The following B3GAT2 variants were observed in gnomAD, a reference collection of about 807,000 sequenced individuals.
B3GAT2 encodes beta-1,3-glucuronyltransferase 2, also known as galactosylgalactosylxylosylprotein 3-beta-glucuronosyltransferase 2.
B3GAT2 carries 26 observed loss-of-function variants against 27.8 expected under a neutral mutation model. The ratio of observed to expected loss-of-function variants is 0.93; its 90% CI spans 0.68 to 1.30. B3GAT2 has a LOEUF of 1.30. Among genes scored for constraint, B3GAT2 ranks in the 50% most tolerant of loss-of-function variants. B3GAT2 has a pLI of 0.00. For synonymous variants in B3GAT2, 218 were observed against 195.1 expected, an observed-to-expected ratio of 1.12 and a Z score of -0.98; for missense variants, 458 against 459.0, an observed-to-expected ratio of 1.00 and a Z score of 0.02.
At chr6:70,867,333 A>T (rs1332876796) in intron 2 of B3GAT2, among the ~76,000 whole-genome samples, 1 of 152,156 alleles carries the variant, frequency 6.6e-6, no homozygotes, top group Non-Finnish European at 1.5e-5. Context: ...ATGAGAGCAG[A>T]AACGACTAAA....
At chr6:70,883,124 G>A (rs66514665) in intron 2 of B3GAT2, among the ~76,000 whole-genome samples, 29,055 of 152,140 alleles carry the variant, frequency 0.19, 3,125 homozygotes, top group East Asian at 0.32. Context: ...CTGCATTGCT[G>A]TGGAGAGTGT....
At chr6:70,885,885 C>T (rs1455235307) in intron 2 of B3GAT2, among the ~76,000 whole-genome samples, 1 of 152,094 alleles carries the variant, frequency 6.6e-6, no homozygotes, top group African/African-American at 2.4e-5. Flanking sequence ...GAGCAGGACC[C>T]AAGGATGAGT....
chr6:70,857,113 T>A lies in B3GAT2; in HGVS notation c.*4550A>T. On this transcript the variant is annotated 3_prime_UTR_variant, in exon 4 of 4. Coordinates refer to ENST00000230053, the MANE Select transcript of B3GAT2 (RefSeq NM_080742.3). ...TATATAATAAGATCAATTATATATC[T>A]TTTATTGTTCCATGTAGTGAGTGCT... The A allele has an allele frequency of 7.4e-7, 1 of 1,353,170 alleles. No individual in the cohort carries two copies. The highest frequency in any genetic ancestry group is 9.9e-7 in the Non-Finnish European group (1 of 1,012,148). The allele number at this position is 1,353,170 out of a possible 1,614,324, so 83.8% of individuals were successfully genotyped here.
chr6:70,857,780 G>A lies in B3GAT2; in HGVS notation c.*3883C>T. 1 of 765,962 alleles carries A rather than the reference G, an allele frequency of 1.3e-6. No individual in the cohort carries two copies. Among genetic ancestry groups the A allele is most frequent in the Non-Finnish European group, 2.1e-6 (1 of 480,276 alleles). 47.4% of individuals were successfully genotyped at this position (765,962 alleles called of 1,614,324 possible). ...AGCTCTCAGGGTTTAGGTGTGGGTT[G>A]GTCTGAGTAGTAGGAGCAGCCAAAC... On this transcript the variant is annotated 3_prime_UTR_variant, in exon 4 of 4. Coordinates refer to ENST00000230053, the MANE Select transcript of B3GAT2 (RefSeq NM_080742.3).
In B3GAT2 at chr6:70,860,465, T is replaced by C. The variant is rs1198904703; in HGVS notation, c.*1198A>G. On this transcript the variant is annotated 3_prime_UTR_variant, in exon 4 of 4. Coordinates refer to ENST00000230053, the MANE Select transcript of B3GAT2 (RefSeq NM_080742.3). ...TTTGTTCATATTAAGAATGATCTGA[T>C]TGACCGTGTTGGTCTGTACTGATTC... 5 of 1,108,642 alleles carry C rather than the reference T, an allele frequency of 4.5e-6. No individual in the cohort carries two copies. The highest frequency in any genetic ancestry group is 3.2e-5 in the African/African-American group (2 of 63,082). The allele number at this position is 1,108,642 out of a possible 1,614,324, so 68.7% of individuals were successfully genotyped here. A position where few individuals can be genotyped will look rare whatever the true frequency, so the allele number is the denominator to read the frequency against.
intron 1 of B3GAT2, among the ~76,000 whole-genome samples, chr6:70,913,339 G>T (rs568993628): frequency 3.3e-5 from 5 of 152,014 alleles, no homozygotes; most frequent in Non-Finnish European, 7.4e-5. Context: ...TAGCTGTGTC[G>T]CAGAGATTTT....
intron 1 of B3GAT2, among the ~76,000 whole-genome samples, chr6:70,941,417 G>T (rs924925510): frequency 2.6e-5 from 4 of 152,108 alleles, no homozygotes; most frequent in Non-Finnish European, 4.4e-5. Flanking sequence ...AGTGAAGCTG[G>T]ATTTGAACAT....
chr6:70,911,578 T>C (rs1391780581), intron 1 of B3GAT2, among the ~76,000 whole-genome samples: 1 of 152,224 alleles, frequency 6.6e-6, no homozygotes, highest in African/African-American at 2.4e-5. Flanking sequence ...TTTGGTAATG[T>C]GATGCCTCCA....
intron 1 of B3GAT2, among the ~76,000 whole-genome samples, chr6:70,906,085 TTAATACC>T (rs1209786611): frequency 6.6e-6 from 1 of 152,210 alleles, no homozygotes; most frequent in African/African-American, 2.4e-5. Flanking sequence ...TCTAGTTTAC[TTAATACC>T]ATGATAATGT....
chr6:70,924,788 A>G (rs763061375), intron 1 of B3GAT2, among the ~76,000 whole-genome samples: 1 of 152,190 alleles, frequency 6.6e-6, no homozygotes, highest in Non-Finnish European at 1.5e-5. Context: ...CCCAAACTAA[A>G]CTACTTTCGT....
chr6:70,875,567 C>T (rs1002777176), intron 2 of B3GAT2, among the ~76,000 whole-genome samples: 4 of 152,118 alleles, frequency 2.6e-5, no homozygotes, highest in African/African-American at 9.7e-5. Flanking sequence ...CCAAATCTAC[C>T]CTTTCCTACT....
Position 70,956,801 on chromosome 6 carries a change from A to G in B3GAT2, c.-372T>C. ...TGAAGAGTGGAAGCCGAGAAGCGGC[A>G]CCCGGTGCGCCTCGCCGCTCCAGTC... On this transcript the variant is annotated 5_prime_UTR_variant, in exon 1 of 4. Coordinates refer to ENST00000230053, the MANE Select transcript of B3GAT2 (RefSeq NM_080742.3). 1 of 1,074,520 alleles carries G rather than the reference A, an allele frequency of 9.3e-7. No individual in the cohort carries two copies. Among genetic ancestry groups the G allele is most frequent in the Non-Finnish European group, 1.1e-6 (1 of 887,134 alleles). The allele number at this position is 1,074,520 out of a possible 1,614,324, so 66.6% of individuals were successfully genotyped here.
At chr6:70,881,723 T>C (rs1337939733) in intron 2 of B3GAT2, among the ~76,000 whole-genome samples, 1 of 152,140 alleles carries the variant, frequency 6.6e-6, no homozygotes, top group African/African-American at 2.4e-5. Flanking sequence ...TGTAGGGGCT[T>C]GATGGCATGT....
In B3GAT2 at chr6:70,930,898, G is replaced by A. The variant is rs112902756; in HGVS notation, c.591+24941C>T. On this transcript the variant is annotated intron_variant, in intron 1 of 3. Transcript: ENST00000230053. ...ACACATGCACACGTATGTTTATTGC[G>A]GCACTATTCACAATAGCAAAGACTT... Among the ~76,000 whole-genome samples the A allele has an allele frequency of 9.3e-3, 1,420 of 152,142 alleles. 11 individuals carry two copies. The highest frequency in any genetic ancestry group is 0.048 in the Middle Eastern group (14 of 294).
intron 1 of B3GAT2, among the ~76,000 whole-genome samples, chr6:70,929,635 A>C (rs1054634989): frequency 1.3e-5 from 2 of 152,204 alleles, no homozygotes; most frequent in East Asian, 3.8e-4. Flanking sequence ...TCCAACTTAC[A>C]AGGGATGTGA....
intron 1 of B3GAT2, among the ~76,000 whole-genome samples, chr6:70,932,371 T>C (rs896230559): frequency 6.6e-6 from 1 of 152,166 alleles, no homozygotes; most frequent in African/African-American, 2.4e-5. Flanking sequence ...TTATTCACAA[T>C]AGGTAAAATG....
intron 2 of B3GAT2, among the ~76,000 whole-genome samples, chr6:70,868,719 T>C (rs990540089): frequency 6.6e-5 from 10 of 151,376 alleles, no homozygotes; most frequent in African/African-American, 1.5e-4. Flanking sequence ...AGCCTCTCTT[T>C]CCCCCCCCAC....
At chr6:70,927,295 C>A (rs1772979168) in intron 1 of B3GAT2, among the ~76,000 whole-genome samples, 1 of 152,194 alleles carries the variant, frequency 6.6e-6, no homozygotes. Flanking sequence ...CAGCTAACAT[C>A]ATGATGACAG....
rs766441802 is a variant in B3GAT2, at chr6:70,861,987, A to AAAAT, written c.737-13_737-10dup. ...AAGACTTACAGCAAATCCTTTGTGA[A>AAAAT]AAATAAAAAAAAAAAAGAGACTTTA... On this transcript the variant is annotated splice_polypyrimidine_tract_variant and intron_variant, in intron 2 of 3. Coordinates refer to ENST00000230053, the MANE Select transcript of B3GAT2 (RefSeq NM_080742.3). 8.9e-6 allele frequency: 14 copies of AAAAT among 1,570,582 alleles called. No individual in the cohort carries two copies. In the Admixed American group the frequency reaches 1.0e-4, roughly 11 times the overall value.
Sources: gnomAD v4.1 joint callset for allele counts (sites outside exome capture counted in the v4.1 genomes callset) on GRCh38, gnomAD v4.1.1 for gene constraint, MANE v1.5 for transcripts, NCBI Gene and HGNC (gene_info 2026-07-23, HGNC 2026-07-21) for gene names.